Variants in RAI1 observed in about 807,000 individuals in gnomAD.
RAI1 encodes the protein retinoic acid-induced protein 1.
In RAI1, 9 loss-of-function variants were observed where a neutral mutation model predicts 123.8. The ratio of observed to expected loss-of-function variants is 0.07; its 90% confidence interval spans 0.04 to 0.13. RAI1 has a LOEUF of 0.13. Ranked by LOEUF, RAI1 falls within the 10% of genes least tolerant of loss-of-function variation. The probability of loss-of-function intolerance (pLI) is 1.00; values close to 1 mark genes in which losing one functional copy is unlikely to be tolerated. For missense variants in RAI1, 2,256 were observed against 2,545.8 expected (o/e 0.89, Z 2.45); for synonymous variants, 1,231 against 1,127.3 (o/e 1.09, Z -1.84).
chr17:17,767,066 A>T (rs551015091), intron 2 of RAI1, among the ~76,000 whole-genome samples: 1 of 152,250 alleles, frequency 6.6e-6, no homozygotes, highest in Admixed American at 6.5e-5. Flanking sequence ...ATGCTTCCCA[A>T]TGAGCCCTGG....
chr17:17,709,738 C>T (rs754129656), intron 1 of RAI1, among the ~76,000 whole-genome samples: 3 of 152,208 alleles, frequency 2.0e-5, no homozygotes, highest in Admixed American at 6.5e-5. Flanking sequence ...CTGTCTGTGC[C>T]GGGGCCTGGA....
intron 2 of RAI1, among the ~76,000 whole-genome samples, chr17:17,773,899 G>A (rs749595624): frequency 1.1e-4 from 16 of 151,958 alleles, no homozygotes; most frequent in Admixed American, 3.3e-4. Context: ...TAATAATCAC[G>A]TAATTATAAT....
At chr17:17,681,814 C>T in intron 1 of RAI1, 21 bp downstream of exon 1, 1 of 282,894 alleles carries the variant, frequency 3.5e-6, no homozygotes. Flanking sequence ...AGCGCCGGGG[C>T]GCGGGGGGCG....
intron 1 of RAI1, among the ~76,000 whole-genome samples, chr17:17,720,468 A>T (rs1033169051): frequency 3.5e-4 from 53 of 152,228 alleles, no homozygotes; most frequent in African/African-American, 1.2e-3. Context: ...CTGGTGTTCC[A>T]GCAACATTTG....
At chr17:17,720,969 C>CT (rs558164550) in intron 1 of RAI1, among the ~76,000 whole-genome samples, 1 of 152,122 alleles carries the variant, frequency 6.6e-6, no homozygotes, top group Admixed American at 6.5e-5. Flanking sequence ...AGGCTCTGCC[C>CT]TTTTTTGAGA....
In RAI1 at chr17:17,723,597, C is replaced by G. The variant is rs368136063; in HGVS notation, c.-148-431C>G. Among the ~76,000 whole-genome samples, 17 of 150,748 alleles carry G rather than the reference C, an allele frequency of 1.1e-4. No individual in the cohort carries two copies. The East Asian group carries it at 3.0e-3, about 27-fold the overall frequency. ...CTCGCAGCGGGTGACCCCGAGGCCC[C>G]GCGGTGAGAGCCAAGGGAGCGTCTC... is the stretch of plus-strand genomic sequence containing the variant. On this transcript the variant is annotated intron_variant, in intron 1 of 5. Transcript: ENST00000353383.
In RAI1 at chr17:17,796,919, G is replaced by A; in HGVS notation, c.3971G>A (p.Gly1324Asp). Reference sequence around the variant, plus strand: ...ACCAAGGTGCTGCCACCCCGGAAGGGCCGGGGCCTGAAGCTGGAAGCCATC... The same window carrying A: ...ACCAAGGTGCTGCCACCCCGGAAGGACCGGGGCCTGAAGCTGGAAGCCATC... ...MKTKVLPPRK[G>D]RGLKLEAIVQ... The change falls in exon 3 of 6, where the codon GGC becomes GAC. Residue 1324 changes from glycine (G) to aspartate (D), a missense_variant. Physicochemically the swap from Gly to Asp is moderately conservative, Grantham distance 94. This residue lies in a region of RAI1 where 322 missense variants were observed against 358.0 expected (regional missense o/e 0.90). Coordinates refer to ENST00000353383, the MANE Select transcript of RAI1 (RefSeq NM_030665.4). This position sits in a 1 kb window ranked among gnomAD's most constrained non-coding sequence, Gnocchi z 5.8. The A allele has an allele frequency of 6.2e-7, 1 of 1,613,428 alleles. No individual in the cohort carries two copies. Among genetic ancestry groups the A allele is most frequent in the African/African-American group, 1.3e-5 (1 of 75,050 alleles).
At chr17:17,782,987 A>C (rs980716994) in intron 2 of RAI1, among the ~76,000 whole-genome samples, 1 of 152,042 alleles carries the variant, frequency 6.6e-6, no homozygotes, top group Admixed American at 6.5e-5. Flanking sequence ...TCTTTGGTCA[A>C]GTGGAGTGTG....
At chr17:17,786,771 T>C (rs924513255) in intron 2 of RAI1, among the ~76,000 whole-genome samples, 5 of 152,244 alleles carry the variant, frequency 3.3e-5, no homozygotes, top group African/African-American at 4.8e-5. Context: ...CAGACAGTCC[T>C]GTGCCTTCCC....
intron 2 of RAI1, among the ~76,000 whole-genome samples, chr17:17,761,552 G>T (rs918464995): frequency 6.6e-6 from 1 of 152,182 alleles, no homozygotes; most frequent in East Asian, 1.9e-4. Context: ...GCAGGCATCA[G>T]TTGGAAAGTC....
At chr17:17,725,741 T>C (rs2142936322) in intron 2 of RAI1, among the ~76,000 whole-genome samples, 1 of 152,212 alleles carries the variant, frequency 6.6e-6, no homozygotes, top group Middle Eastern at 3.4e-3. Flanking sequence ...CTCCCCTTTT[T>C]CTTCCTGGGG....
intron 2 of RAI1, among the ~76,000 whole-genome samples, chr17:17,732,542 G>A (rs918796241): frequency 1.3e-5 from 2 of 152,182 alleles, no homozygotes; most frequent in Non-Finnish European, 1.5e-5. Context: ...CCTGGGGTTT[G>A]CAGGCTTCTT....
chr17:17,792,064 C>G (rs1567911484), intron 2 of RAI1, among the ~76,000 whole-genome samples: 2 of 152,142 alleles, frequency 1.3e-5, no homozygotes, highest in African/African-American at 4.8e-5. Flanking sequence ...TGTGCCCTTC[C>G]GTGGCCGTGG....
At chr17:17,742,611 C>T (rs1916679992) in intron 2 of RAI1, among the ~76,000 whole-genome samples, 1 of 152,188 alleles carries the variant, frequency 6.6e-6, no homozygotes, top group African/African-American at 2.4e-5. Context: ...AAATAATATG[C>T]ACTCGTTTTA....
At chr17:17,772,436 C>G (rs1185892236) in intron 2 of RAI1, among the ~76,000 whole-genome samples, 1 of 152,156 alleles carries the variant, frequency 6.6e-6, no homozygotes, top group African/African-American at 2.4e-5. Context: ...CTGCAGACTC[C>G]CCAACACACA....
In RAI1 at chr17:17,799,935, A is replaced by G. The variant is rs2032396745; in HGVS notation, c.5565+1422A>G. Among the ~76,000 whole-genome samples, 1 of 152,010 alleles carries G rather than the reference A, an allele frequency of 6.6e-6. No individual in the cohort carries two copies. The highest frequency in any genetic ancestry group is 2.4e-5 in the African/African-American group (1 of 41,398). On this transcript the variant is annotated intron_variant, in intron 3 of 5. Coordinates refer to ENST00000353383, the MANE Select transcript of RAI1 (RefSeq NM_030665.4). This position sits in a 1 kb window ranked among gnomAD's most constrained non-coding sequence, Gnocchi z 4.5. ...ACTGTGTTTGCCACCCACGCCTCCTAGTGTGTGTCTTGGGCACCTGCTTCC... is the reference window on the plus strand; with the variant it reads ...ACTGTGTTTGCCACCCACGCCTCCTGGTGTGTGTCTTGGGCACCTGCTTCC...
chr17:17,723,826 C>T (rs1915975880), intron 1 of RAI1, among the ~76,000 whole-genome samples: 1 of 149,816 alleles, frequency 6.7e-6, no homozygotes, highest in East Asian at 2.0e-4. Context: ...GCCACGGGGC[C>T]GTCTCTAATT....
At chr17:17,736,227 C>T (rs1231928775) in intron 2 of RAI1, among the ~76,000 whole-genome samples, 1 of 152,058 alleles carries the variant, frequency 6.6e-6, no homozygotes, top group Admixed American at 6.5e-5. Flanking sequence ...TGTGCTGAGA[C>T]CCCCACCGCC....
At chr17:17,769,367 G>A (rs1241972048) in intron 2 of RAI1, among the ~76,000 whole-genome samples, 6 of 152,250 alleles carry the variant, frequency 3.9e-5, no homozygotes, top group Non-Finnish European at 7.3e-5. Flanking sequence ...GGCCTCCTTG[G>A]GACAGCCCGG....
Sources: allele counts gnomAD v4.1 joint callset (sites outside exome capture counted in the v4.1 genomes callset), GRCh38; gene constraint gnomAD v4.1.1; regional missense constraint gnomAD v4.1.1; non-coding constraint Gnocchi (gnomAD v3.1); transcripts MANE v1.5; gene names NCBI Gene and HGNC (gene_info 2026-07-23, HGNC 2026-07-21).